The following INSIG2 variants were observed in gnomAD, a reference collection of about 807,000 sequenced individuals.
The protein encoded by INSIG2 is insulin induced gene 2.
INSIG2 carries 10 observed loss-of-function variants against 27.2 expected under a neutral mutation model. The ratio of observed to expected loss-of-function variants is 0.37; its 90% confidence interval spans 0.23 to 0.62. The LOEUF (loss-of-function observed/expected upper bound fraction) is 0.62. Among genes scored for constraint, INSIG2 ranks in the 20% least tolerant of loss-of-function variants. INSIG2 has a pLI of 0.65. For missense variants in INSIG2, 178 were observed against 270.2 expected, an observed-to-expected ratio of 0.66 and a Z score of 2.39; for synonymous variants, 97 against 95.8, an observed-to-expected ratio of 1.01 and a Z score of -0.07.
chr2:118,097,339 TTGATGCATG>T (rs1678433894), intron 2 of INSIG2, among the ~76,000 whole-genome samples: 1 of 152,364 alleles, frequency 6.6e-6, no homozygotes, highest in Non-Finnish European at 1.5e-5. Flanking sequence ...TTTTAAGGGT[TTGATGCATG>T]TGCTGTAGTC....
intron 1 of INSIG2, among the ~76,000 whole-genome samples, chr2:118,091,105 A>G (rs1678214801): frequency 6.6e-6 from 1 of 152,222 alleles, no homozygotes; most frequent in Admixed American, 6.5e-5. Flanking sequence ...ATATTTAAAG[A>G]TATAGATCCA....
intron 1 of INSIG2, among the ~76,000 whole-genome samples, chr2:118,094,367 A>AGATGATGATGATGATGAT (rs34116355): frequency 8.5e-6 from 1 of 118,096 alleles, no homozygotes. Flanking sequence ...AAAAGCAACC[A>AGATGATGATGATGATGAT]GATGATGATG....
At chr2:118,107,906 T>C (rs1380030333) in intron 5 of INSIG2, among the ~76,000 whole-genome samples, 1 of 152,168 alleles carries the variant, frequency 6.6e-6, no homozygotes, top group Non-Finnish European at 1.5e-5. Context: ...ACAACAGCCC[T>C]ATCCTTAAGT....
rs138198712 is a variant in INSIG2 at position 118,108,424 on chromosome 2, G to C, written c.*102G>C. On this transcript the variant is annotated 3_prime_UTR_variant, in exon 6 of 6. Transcript: ENST00000245787. ...CAGACTGTAAAATTGCCAGGATGCA[G>C]TTTTCCCCTTGATTGGCGTGTGTGT... The C allele has an allele frequency of 0.015, 12,486 of 827,832 alleles. 137 individuals carry two copies. The highest frequency in any genetic ancestry group is 0.036 in the East Asian group (1,399 of 38,736). 51.3% of individuals were successfully genotyped at this position (827,832 alleles called of 1,614,324 possible). A position where few individuals can be genotyped will look rare whatever the true frequency, so the allele number is the denominator to read the frequency against.
intron 2 of INSIG2, among the ~76,000 whole-genome samples, chr2:118,098,249 A>G (rs991848863): frequency 6.6e-6 from 1 of 152,126 alleles, no homozygotes; most frequent in Admixed American, 6.5e-5. Flanking sequence ...GACATGGAAG[A>G]GCATACATGT....
chr2:118,110,533 C>G lies in INSIG2; in HGVS notation c.*2211C>G, dbSNP rs940605617. The G allele has an allele frequency of 6.6e-6, 1 of 151,864 alleles. No homozygotes were observed. The highest frequency in any genetic ancestry group is 1.5e-5 in the Non-Finnish European group (1 of 67,980). 9.4% of individuals were successfully genotyped at this position (151,864 alleles called of 1,614,324 possible). ...CCACACAGCTGAAAACCATGCTGTT[C>G]AAGGGTCAACTGTGTGTGGTATCGG... On this transcript the variant is annotated 3_prime_UTR_variant, in exon 6 of 6. Transcript: ENST00000245787.
chr2:118,107,246 A>T, intron 5 of INSIG2, 57 bp downstream of exon 5: 3 of 1,234,894 alleles, frequency 2.4e-6, no homozygotes, highest in Non-Finnish European at 3.6e-6. Flanking sequence ...AGTTTTCTCT[A>T]AAAGGCAGTC....
intron 2 of INSIG2, among the ~76,000 whole-genome samples, chr2:118,100,413 C>T (rs1444785235): frequency 2.4e-5 from 3 of 123,550 alleles, no homozygotes; most frequent in Non-Finnish European, 4.8e-5. Flanking sequence ...GAGTCTCACT[C>T]CGTCACCTGG....
At position 118,108,684 on chromosome 2, in the gene INSIG2, A is replaced by G. The variant is rs745519084; in HGVS notation, c.*362A>G. The G allele has an allele frequency of 1.2e-5, 2 of 161,238 alleles. No individual in the cohort carries two copies. The highest frequency in any genetic ancestry group is 1.9e-4 in the South Asian group (1 of 5,252). 10.0% of individuals were successfully genotyped at this position (161,238 alleles called of 1,614,324 possible). On this transcript the variant is annotated 3_prime_UTR_variant, in exon 6 of 6. Coordinates refer to ENST00000245787, the MANE Select transcript of INSIG2 (RefSeq NM_016133.4). ...AGATATTGTTCCTGTCATGCAGAGT[A>G]TAAGAATGCTTTGAACAATTTGTAG...
At position 118,088,496 on chromosome 2, in the gene INSIG2, C is replaced by A. The variant is rs1052353977; in HGVS notation, c.-184C>A. ...GTTGTGGGAGTGGAGGAGGAAGAGG[C>A]GGTAGGGGGTACGGGGGCTGGTCCC... On this transcript the variant is annotated 5_prime_UTR_variant, in exon 1 of 6. Transcript: ENST00000245787. The A allele has an allele frequency of 6.6e-6, 1 of 152,492 alleles. No individual in the cohort carries two copies. The highest frequency in any genetic ancestry group is 1.5e-5 in the Non-Finnish European group (1 of 68,362). 9.4% of individuals were successfully genotyped at this position (152,492 alleles called of 1,614,324 possible).
chr2:118,107,455 ACTAAT>A (rs1006646222), intron 5 of INSIG2, among the ~76,000 whole-genome samples: 51 of 152,322 alleles, frequency 3.3e-4, no homozygotes, highest in African/African-American at 1.2e-3. Flanking sequence ...TTTTTAAAAA[ACTAAT>A]CTACAGGTCT....
In INSIG2 at chr2:118,098,489, G is replaced by C. The variant is rs377353658; in HGVS notation, c.244+1689G>C. The stretch of plus-strand genomic sequence containing the variant: ...GTGTGACTGGGTCCACATGTCACAT[G>C]CTGGGGAAGGGAAAAGGAAGCTACT... On this transcript the variant is annotated intron_variant, in intron 2 of 5. Transcript: ENST00000245787. 3.9e-5 allele frequency among the ~76,000 whole-genome samples: 6 copies of C among 152,282 alleles called. No homozygotes were observed. In the South Asian group the frequency reaches 1.2e-3, roughly 32 times the overall value.
intron 1 of INSIG2, among the ~76,000 whole-genome samples, 160 bp from the exon 2 acceptor site, chr2:118,096,259 T>G (rs1678401544): frequency 6.6e-6 from 1 of 152,218 alleles, no homozygotes. Flanking sequence ...TTTAAAACTT[T>G]TTCTTATTCA....
intron 5 of INSIG2, 82 bp downstream of exon 5, chr2:118,107,271 A>G (rs1678697084): frequency 6.9e-6 from 6 of 873,296 alleles, no homozygotes; most frequent in African/African-American, 6.7e-5. Context: ...AAGGGAAAGC[A>G]ATTTGTGAAG....
chr2:118,103,039 T>TA (rs1316290630), intron 2 of INSIG2, among the ~76,000 whole-genome samples, 158 bp from the exon 3 acceptor site: 1 of 152,094 alleles, frequency 6.6e-6, no homozygotes, highest in Non-Finnish European at 1.5e-5. Context: ...GAAGGTAAGT[T>TA]AAAAAATATC....
intron 1 of INSIG2, among the ~76,000 whole-genome samples, chr2:118,089,850 T>C (rs1049089161): frequency 1.3e-5 from 2 of 152,252 alleles, no homozygotes; most frequent in African/African-American, 2.4e-5. Context: ...CAGAAACTTA[T>C]CTCGAAACGA....
intron 1 of INSIG2, among the ~76,000 whole-genome samples, chr2:118,094,574 T>C (rs934281885): frequency 1.3e-5 from 2 of 152,218 alleles, no homozygotes; most frequent in Non-Finnish European, 2.9e-5. Context: ...TTAGTTTTTT[T>C]AGTCCTTTAA....
intron 3 of INSIG2, among the ~76,000 whole-genome samples, chr2:118,105,621 G>A (rs1274229506): frequency 6.6e-6 from 1 of 152,196 alleles, no homozygotes; most frequent in Non-Finnish European, 1.5e-5. Context: ...GAAGGACCTT[G>A]AGGGAGTTGC....
chr2:118,107,037 T>C, intron 4 of INSIG2, 53 bp from the exon 5 acceptor site: 1 of 1,456,118 alleles, frequency 6.9e-7, no homozygotes, highest in Non-Finnish European at 9.6e-7. Flanking sequence ...GTAATTATCT[T>C]AAGTGTCATT....
Sources: gnomAD v4.1 joint callset for allele counts (sites outside exome capture counted in the v4.1 genomes callset) on GRCh38, gnomAD v4.1.1 for gene constraint, MANE v1.5 for transcripts, NCBI Gene and HGNC (gene_info 2026-07-23, HGNC 2026-07-21) for gene names.